RBPJ: variants seen among roughly 807,000 people sequenced by gnomAD.
RBPJ encodes the protein recombining binding protein suppressor of hairless.
Under a neutral mutation model 67.8 loss-of-function variants are expected in RBPJ, and 9 were observed. The ratio of observed to expected loss-of-function variants is 0.13; its 90% CI spans 0.08 to 0.23. The LOEUF (loss-of-function observed/expected upper bound fraction) is 0.23, where lower values mean the gene tolerates loss of function less well. RBPJ is among the 10% of genes least tolerant of loss of function. The pLI is 1.00. For missense variants in RBPJ, 305 were observed against 595.6 expected (o/e 0.51, Z 5.08); for synonymous variants, 198 against 203.3 (o/e 0.97, Z 0.22).
intron 1 of RBPJ, among the ~76,000 whole-genome samples, chr4:26,170,497 C>G (rs1716534745): frequency 6.7e-6 from 1 of 149,326 alleles, no homozygotes; most frequent in African/African-American, 2.5e-5. Flanking sequence ...GTGAGCCTTG[C>G]AGTGCCACTG....
intron 1 of RBPJ, among the ~76,000 whole-genome samples, chr4:26,216,410 G>C (rs1186308448): frequency 1.3e-5 from 2 of 152,156 alleles, no homozygotes; most frequent in Non-Finnish European, 2.9e-5. Context: ...AATAAGCACA[G>C]TGAAGGACAG....
upstream of RBPJ, among the ~76,000 whole-genome samples, chr4:26,159,351 G>A (rs1430833444): frequency 6.6e-6 from 1 of 152,096 alleles, no homozygotes; most frequent in Non-Finnish European, 1.5e-5. Flanking sequence ...CCACCACCTG[G>A]ATGCTTTTCC....
intron 1 of RBPJ, among the ~76,000 whole-genome samples, chr4:26,190,362 AG>A (rs1717435967): frequency 6.6e-6 from 1 of 152,232 alleles, no homozygotes; most frequent in Non-Finnish European, 1.5e-5. Context: ...GGGGAAAGGC[AG>A]GTCCTAGACA....
chr4:26,310,219 G>A (rs1722384420), intron 1 of RBPJ, among the ~76,000 whole-genome samples: 1 of 152,134 alleles, frequency 6.6e-6, no homozygotes, highest in Admixed American at 6.5e-5. Flanking sequence ...CCTGGAGTTC[G>A]AGCTTATTTT....
intron 1 of RBPJ, among the ~76,000 whole-genome samples, chr4:26,288,372 C>G (rs1721549691): frequency 6.6e-6 from 1 of 152,216 alleles, no homozygotes; most frequent in African/African-American, 2.4e-5. Context: ...TCTTCAGTTG[C>G]TTATCACAGG....
At chr4:26,310,665 CTTT>C (rs11289709) in intron 1 of RBPJ, among the ~76,000 whole-genome samples, 15 of 107,428 alleles carry the variant, frequency 1.4e-4, no homozygotes, top group African/African-American at 1.5e-4. Flanking sequence ...CCTGTTTTAA[CTTT>C]TTTTTTTTTT....
At chr4:26,109,577 CTCTATA>C in the RBPJ span, among the ~76,000 whole-genome samples, 1 of 49,558 alleles carries the variant, frequency 2.0e-5, no homozygotes, top group African/African-American at 9.5e-5. Flanking sequence ...CTCTCTCTCT[CTCTATA>C]TATATATATA....
chr4:26,319,960 G>C, upstream of RBPJ: 1 of 1,359,532 alleles, frequency 7.4e-7, no homozygotes, highest in Middle Eastern at 1.9e-4. Flanking sequence ...GTTTGCCCGG[G>C]GGCTTCCGGG....
chr4:26,257,017 A>G (rs112322711), intron 1 of RBPJ, among the ~76,000 whole-genome samples: 2,654 of 152,294 alleles, frequency 0.017, 88 homozygotes, highest in African/African-American at 0.061. Context: ...GGTAGACTGG[A>G]ATACAAAACG....
chr4:26,142,495 C>G, the RBPJ span, among the ~76,000 whole-genome samples: 6 of 152,166 alleles, frequency 3.9e-5, no homozygotes, highest in African/African-American at 9.7e-5. Flanking sequence ...ATGGTACACT[C>G]TAGTTGGGAG....
At chr4:26,404,706 A>G (rs1733211816) in intron 2 of RBPJ, among the ~76,000 whole-genome samples, 1 of 152,216 alleles carries the variant, frequency 6.6e-6, no homozygotes, top group South Asian at 2.1e-4. Context: ...TAAACACTCA[A>G]GAAACATAAG....
At chr4:26,133,292 A>G in the RBPJ span, among the ~76,000 whole-genome samples, 1 of 152,170 alleles carries the variant, frequency 6.6e-6, no homozygotes, top group Non-Finnish European at 1.5e-5. Flanking sequence ...ACTGAGACTC[A>G]AGGCCAAGTG....
intron 7 of RBPJ, among the ~76,000 whole-genome samples, chr4:26,426,025 T>G (rs1735631046): frequency 6.6e-6 from 1 of 152,100 alleles, no homozygotes; most frequent in Non-Finnish European, 1.5e-5. Flanking sequence ...TGCAATAAGC[T>G]AGAAGACATG....
intron 1 of RBPJ, among the ~76,000 whole-genome samples, chr4:26,274,601 G>A (rs1271890071): frequency 6.6e-6 from 1 of 152,050 alleles, no homozygotes; most frequent in Non-Finnish European, 1.5e-5. Context: ...CCGCATTCCA[G>A]CCTGGGTGAT....
chr4:26,303,452 AAAAG>A, intron 1 of RBPJ, among the ~76,000 whole-genome samples: 1 of 148,680 alleles, frequency 6.7e-6, no homozygotes, highest in East Asian at 2.0e-4. Context: ...AAAAAAAAAA[AAAAG>A]AAAGAAAAAA....
At chr4:26,351,447 C>CTCA (rs201543974) in intron 1 of RBPJ, among the ~76,000 whole-genome samples, 2,838 of 152,302 alleles carry the variant, frequency 0.019, 31 homozygotes, top group Non-Finnish European at 0.028. Context: ...GTCGCCCAGG[C>CTCA]TCAGCTCACG....
chr4:26,330,915 C>T (rs1354810783), intron 1 of RBPJ, among the ~76,000 whole-genome samples: 4 of 152,134 alleles, frequency 2.6e-5, no homozygotes, highest in Non-Finnish European at 5.9e-5. Flanking sequence ...GTAACTACAT[C>T]CTGTGTGACA....
the RBPJ span, among the ~76,000 whole-genome samples, chr4:26,132,452 C>T: frequency 9.2e-6 from 1 of 109,152 alleles, no homozygotes; most frequent in Non-Finnish European, 2.2e-5. Context: ...GCACCTGCTC[C>T]TCCCAGAGCT....
intron 1 of RBPJ, among the ~76,000 whole-genome samples, chr4:26,184,137 G>A (rs1044243882): frequency 2.7e-5 from 4 of 148,716 alleles, no homozygotes; most frequent in African/African-American, 1.0e-4. Context: ...AGCTGAGATG[G>A]CACCACAGCA....
Sources: allele counts gnomAD v4.1 joint callset (sites outside exome capture counted in the v4.1 genomes callset), GRCh38; gene constraint gnomAD v4.1.1; transcripts MANE v1.5; gene names NCBI Gene and HGNC (gene_info 2026-07-23, HGNC 2026-07-21).